Variants in ARID1A observed in about 807,000 individuals in gnomAD.
The protein encoded by ARID1A is AT-rich interactive domain-containing protein 1A.
A neutral mutation model predicts 212.6 loss-of-function variants in ARID1A; 20 were observed. The observed-to-expected ratio is 0.09, with a 90% CI of 0.07 to 0.14. ARID1A has a LOEUF of 0.14. Ranked by LOEUF, ARID1A falls within the 10% of genes least tolerant of loss-of-function variation. The pLI is 1.00. For missense variants in ARID1A, 2,587 were observed against 3,059.0 expected (o/e 0.85, Z 3.64); for synonymous variants, 1,376 against 1,222.1 (o/e 1.13, Z -2.63).
At position 26,761,567 on chromosome 1, in the gene ARID1A, C is replaced by T. The variant is rs998853198; in HGVS notation, c.2251+94C>T. The T allele has an allele frequency of 3.4e-5, 42 of 1,227,442 alleles. No individual in the cohort carries two copies. The African/African-American group carries it at 5.9e-4, about 17-fold the overall frequency. 76.0% of individuals were successfully genotyped at this position (1,227,442 alleles called of 1,614,324 possible). A position where few individuals can be genotyped will look rare whatever the true frequency, so the allele number is the denominator to read the frequency against. On this transcript the variant is annotated intron_variant, in intron 6 of 19. Transcript: ENST00000324856. Reference sequence around the variant, plus strand: ...TTTGGAGAGCTGTTTGACCATGAAGCTTAGGACAATCCCTGCAGCAAATTG... The same window carrying T: ...TTTGGAGAGCTGTTTGACCATGAAGTTTAGGACAATCCCTGCAGCAAATTG...
At chr1:26,766,608 T>C in intron 10 of ARID1A, 42 bp downstream of exon 10, 1 of 1,530,218 alleles carries the variant, frequency 6.5e-7, no homozygotes, top group Non-Finnish European at 8.9e-7. Flanking sequence ...TTGTGTCCTA[T>C]CTTTTTCAGT....
chr1:26,757,789 C>T (rs571561359), intron 4 of ARID1A, among the ~76,000 whole-genome samples: 2 of 152,256 alleles, frequency 1.3e-5, no homozygotes, highest in African/African-American at 4.8e-5. Flanking sequence ...CTGCCTCAGC[C>T]TCCTGAGTAC....
Position 26,772,370 on chromosome 1 carries a change from G to A in ARID1A, c.3407-130G>A, listed in dbSNP as rs913080924. The A allele has an allele frequency of 1.3e-5, 18 of 1,350,072 alleles. No homozygotes were observed. In the African/African-American group the frequency reaches 2.0e-4, roughly 15 times the overall value. 83.6% of individuals were successfully genotyped at this position (1,350,072 alleles called of 1,614,324 possible). A position where few individuals can be genotyped will look rare whatever the true frequency, so the allele number is the denominator to read the frequency against. ...CCTGGCCTTGTAGATCCTCTGCTAA[G>A]AAGGGTGATCAGGCTTTAAAGGCCT... is the stretch of plus-strand genomic sequence containing the variant. On this transcript the variant is annotated intron_variant, in intron 12 of 19. Transcript: ENST00000324856.
At chr1:26,698,844 A>AT (rs564022745) in intron 1 of ARID1A, among the ~76,000 whole-genome samples, 9 of 151,958 alleles carry the variant, frequency 5.9e-5, no homozygotes, top group South Asian at 2.1e-4. Context: ...AGTTTTTGTT[A>AT]TTTTTTTTAG....
chr1:26,717,204 C>T (rs569876461), intron 1 of ARID1A, among the ~76,000 whole-genome samples: 1 of 152,160 alleles, frequency 6.6e-6, no homozygotes, highest in African/African-American at 2.4e-5. Context: ...CTTTTGGTGT[C>T]TGACTTGTGT....
At chr1:26,706,431 C>T (rs138320773) in intron 1 of ARID1A, among the ~76,000 whole-genome samples, 67 of 152,258 alleles carry the variant, frequency 4.4e-4, no homozygotes, top group African/African-American at 1.5e-3. Flanking sequence ...TGATATCAGT[C>T]AATTAAAAGC....
intron 19 of ARID1A, 176 bp downstream of exon 19, chr1:26,775,883 A>G (rs2081130520): frequency 1.1e-6 from 1 of 917,536 alleles, no homozygotes; most frequent in Non-Finnish European, 1.7e-6. Flanking sequence ...TGACAGCAAT[A>G]ATAATTTGTT....
rs538462008 is a variant in ARID1A at position 26,719,340 on chromosome 1, C to T, written c.1138-10311C>T. On this transcript the variant is annotated intron_variant, in intron 1 of 19. Coordinates refer to ENST00000324856, the MANE Select transcript of ARID1A (RefSeq NM_006015.6). ...GGAATTTGGGGAAGCTTGATTTTGG[C>T]TGAAAGTGCTGCTCATTTGGGAATC... Among the ~76,000 whole-genome samples, 3 of 152,286 alleles carry T rather than the reference C, an allele frequency of 2.0e-5. No homozygotes were observed. The East Asian group carries it at 5.8e-4, about 29-fold the overall frequency.
At chr1:26,709,123 T>C (rs1183678890) in intron 1 of ARID1A, among the ~76,000 whole-genome samples, 1 of 152,202 alleles carries the variant, frequency 6.6e-6, no homozygotes, top group East Asian at 1.9e-4. Flanking sequence ...TGACTTTAGG[T>C]AAGTCACTTC....
Position 26,771,279 on chromosome 1 carries a change from C to T in ARID1A, c.3359C>T (p.Ala1120Val), listed in dbSNP as rs2124098096. 1 of 1,614,198 alleles carries T rather than the reference C, an allele frequency of 6.2e-7. No homozygotes were observed. Among genetic ancestry groups the T allele is most frequent in the Non-Finnish European group, 8.5e-7 (1 of 1,180,024 alleles). The part of the protein sequence containing the change: ...GEDPPPDIFA[A>V]ADSKKSQPKI... ...GACCCTCCCCCAGACATCTTTGCAGCTGCTGATTCCAAGAAGTCCCAGCCC... is the reference window on the plus strand; with the variant it reads ...GACCCTCCCCCAGACATCTTTGCAGTTGCTGATTCCAAGAAGTCCCAGCCC... Residue 1120 changes from alanine to valine, a missense_variant, in exon 12 of 20, where the codon GCT becomes GTT. Ala to Val is a moderately conservative substitution (Grantham distance 64). Coordinates refer to ENST00000324856, the MANE Select transcript of ARID1A (RefSeq NM_006015.6). The surrounding 1 kb of genome is among the most constrained non-coding windows in gnomAD (Gnocchi z 5.4).
At chr1:26,706,825 GGT>G (rs1172426904) in intron 1 of ARID1A, among the ~76,000 whole-genome samples, 2 of 152,182 alleles carry the variant, frequency 1.3e-5, no homozygotes, top group African/African-American at 4.8e-5. Flanking sequence ...CTGGTCCTAA[GGT>G]GTTGGAGTTC....
rs2124789959 is a variant in ARID1A, at chr1:26,731,512, T to C, written c.1711T>C (p.Ser571Pro). The C allele has an allele frequency of 6.2e-7, 1 of 1,613,474 alleles. No homozygotes were observed. Among genetic ancestry groups the C allele is most frequent in the Non-Finnish European group, 8.5e-7 (1 of 1,179,868 alleles). The change falls in exon 3 of 20, where the codon TCG (serine) becomes CCG (proline). Residue 571 changes from serine (S) to proline (P), a missense_variant. Transcript: ENST00000324856. The part of the protein sequence containing the change: ...QQQQPQQPAP[S>P]TLSQQAAYPQ... ...GCAGCAACCTCAGCAGCCAGCACCCTCGACGCTCTCCCAGCAGGCTGCGTA... is the reference window on the plus strand; with the variant it reads ...GCAGCAACCTCAGCAGCCAGCACCCCCGACGCTCTCCCAGCAGGCTGCGTA...
rs1254308225 is a variant in ARID1A at position 26,781,913 on chromosome 1, G to A, written c.*1157G>A. On this transcript the variant is annotated 3_prime_UTR_variant, in exon 20 of 20. Coordinates refer to ENST00000324856, the MANE Select transcript of ARID1A (RefSeq NM_006015.6). ...AAGTTCTAGGTTCAGTTGAAGTTCT[G>A]ATGAAGAAACACAATTGAGATTTTT... The A allele has an allele frequency of 4.3e-6, 1 of 233,510 alleles. No individual in the cohort carries two copies. The highest frequency in any genetic ancestry group is 6.0e-5 in the East Asian group (1 of 16,586). The allele number at this position is 233,510 out of a possible 1,614,324, so 14.5% of individuals were successfully genotyped here. A position where few individuals can be genotyped will look rare whatever the true frequency, so the allele number is the denominator to read the frequency against.
chr1:26,773,930 GC>G (rs748706799), intron 17 of ARID1A, 32 bp downstream of exon 17: 6 of 1,603,766 alleles, frequency 3.7e-6, no homozygotes, highest in Middle Eastern at 1.7e-4. Context: ...GGACTGGCAT[GC>G]AGGTTCGCCT....
intron 4 of ARID1A, among the ~76,000 whole-genome samples, chr1:26,756,751 G>A (rs1417717200): frequency 6.6e-6 from 1 of 151,294 alleles, no homozygotes; most frequent in Non-Finnish European, 1.5e-5. Context: ...CGCCCAGGCT[G>A]GAGTGCAGTG....
At chr1:26,712,137 A>C (rs2080460615) in intron 1 of ARID1A, among the ~76,000 whole-genome samples, 2 of 152,162 alleles carry the variant, frequency 1.3e-5, no homozygotes, top group Admixed American at 6.5e-5. Context: ...TGGCCAATAC[A>C]GTACACTTTT....
At chr1:26,742,886 C>T (rs1341089779) in intron 4 of ARID1A, among the ~76,000 whole-genome samples, 2 of 152,166 alleles carry the variant, frequency 1.3e-5, no homozygotes, top group Non-Finnish European at 2.9e-5. Flanking sequence ...AGGAGAATCC[C>T]TTGAACCCGA....
At chr1:26,721,203 G>GTTTGTT (rs961663063) in intron 1 of ARID1A, among the ~76,000 whole-genome samples, 7 of 152,022 alleles carry the variant, frequency 4.6e-5, no homozygotes, top group East Asian at 1.9e-4. Context: ...GGTCACCCTG[G>GTTTGTT]TTTGTTTTTG....
chr1:26,733,899 C>A (rs1307551301), intron 4 of ARID1A, among the ~76,000 whole-genome samples: 1 of 152,226 alleles, frequency 6.6e-6, no homozygotes, highest in African/African-American at 2.4e-5. Flanking sequence ...CGGGAACTCT[C>A]TTCATCATGA....
Sources: gnomAD v4.1 joint callset for allele counts (sites outside exome capture counted in the v4.1 genomes callset) on GRCh38, gnomAD v4.1.1 for gene constraint, Gnocchi (gnomAD v3.1) non-coding constraint, MANE v1.5 for transcripts, NCBI Gene and HGNC (gene_info 2026-07-23, HGNC 2026-07-21) for gene names.